The following ZBTB40 variants were observed in gnomAD, a reference collection of about 807,000 sequenced individuals.
ZBTB40 encodes the protein zinc finger and BTB domain-containing protein 40.
Under a neutral mutation model 117.5 loss-of-function variants are expected in ZBTB40, and 60 were observed. The observed-to-expected ratio is 0.51, with a 90% CI of 0.41 to 0.63. ZBTB40 has a LOEUF of 0.63. ZBTB40 is among the 30% of genes least tolerant of loss of function. The pLI, the probability that ZBTB40 is intolerant of heterozygous loss-of-function variation, is 0.00. For missense variants in ZBTB40, 1,287 were observed against 1,498.5 expected, an observed-to-expected ratio of 0.86 and a Z score of 2.33; for synonymous variants, 525 against 577.1, an observed-to-expected ratio of 0.91 and a Z score of 1.29.
intron 1 of ZBTB40, among the ~76,000 whole-genome samples, chr1:22,468,372 T>A (rs1361386565): frequency 6.6e-6 from 1 of 151,952 alleles, no homozygotes; most frequent in African/African-American, 2.4e-5. Context: ...CTTTAATTAT[T>A]CACCAGGCTG....
intron 3 of ZBTB40, among the ~76,000 whole-genome samples, chr1:22,496,872 C>T (rs1485331397): frequency 6.6e-6 from 1 of 152,182 alleles, no homozygotes; most frequent in East Asian, 1.9e-4. Context: ...CCACGATAGG[C>T]CGTCTGTACC....
chr1:22,475,958 C>T lies in ZBTB40; in HGVS notation c.-69-13922C>T, dbSNP rs566928166. Among the ~76,000 whole-genome samples the T allele has an allele frequency of 5.9e-5, 9 of 152,320 alleles. No individual in the cohort carries two copies. The South Asian group carries it at 1.9e-3, about 32-fold the overall frequency. The stretch of plus-strand genomic sequence containing the variant: ...ACAATAAATTGGAGAATATCAGGTC[C>T]AGTTCCCTGAGGCACAGAAGAGAGC... On this transcript the variant is annotated intron_variant, in intron 1 of 17. Transcript: ENST00000375647.
chr1:22,461,081 T>G (rs915195245), intron 1 of ZBTB40, among the ~76,000 whole-genome samples: 2 of 152,218 alleles, frequency 1.3e-5, no homozygotes. Flanking sequence ...AACCAATATA[T>G]TTAAATTAAA....
At chr1:22,500,626 C>G (rs1638902298) in intron 3 of ZBTB40, among the ~76,000 whole-genome samples, 1 of 152,172 alleles carries the variant, frequency 6.6e-6, no homozygotes. Flanking sequence ...AATTGTGATA[C>G]AGAGGCACTG....
At chr1:22,518,750 G>A (rs1467963842) in intron 13 of ZBTB40, among the ~76,000 whole-genome samples, 1 of 152,196 alleles carries the variant, frequency 6.6e-6, no homozygotes, top group Non-Finnish European at 1.5e-5. Context: ...CAGTTTACAA[G>A]GCTGTCCAAA....
chr1:22,522,522 C>T, intron 16 of ZBTB40, 59 bp downstream of exon 16: 2 of 1,533,642 alleles, frequency 1.3e-6, no homozygotes, highest in East Asian at 2.2e-5. Context: ...CTCCCCTCCA[C>T]CACTTGCAGC....
intron 13 of ZBTB40, chr1:22,519,699 T>A (rs1569885435): frequency 2.9e-6 from 1 of 347,204 alleles, no homozygotes; most frequent in East Asian, 7.5e-5. Context: ...CTACAGAGAA[T>A]TAGAAAACTC....
At chr1:22,437,144 A>G (rs1640680125) in intron 1 of ZBTB40, among the ~76,000 whole-genome samples, 1 of 152,210 alleles carries the variant, frequency 6.6e-6, no homozygotes, top group South Asian at 2.1e-4. Context: ...CAACCCTTAG[A>G]TTTGTAGAGA....
chr1:22,497,514 A>G (rs978120217), intron 3 of ZBTB40, among the ~76,000 whole-genome samples: 9 of 152,248 alleles, frequency 5.9e-5, no homozygotes, highest in Non-Finnish European at 1.3e-4. Context: ...GATTAAGCCT[A>G]AGATATGCAG....
chr1:22,489,889 TC>T lies in ZBTB40; in HGVS notation c.-57del. The T allele has an allele frequency of 6.4e-7, 1 of 1,561,746 alleles. No homozygotes were observed. The highest frequency in any genetic ancestry group is 1.7e-5 in the Admixed American group (1 of 59,964). ...TTGTGGGTTTCTCTAGGGCCTGTCC[TC>T]CCAAAGCCAACTCTAAGGAGAGGAG... On this transcript the variant is annotated 5_prime_UTR_variant, in exon 2 of 18. It introduces an in-frame stop codon into an upstream open reading frame of the 5' UTR. Coordinates refer to ENST00000375647, the MANE Select transcript of ZBTB40 (RefSeq NM_014870.4).
intron 5 of ZBTB40, among the ~76,000 whole-genome samples, chr1:22,505,241 G>A (rs1228429004): frequency 1.3e-5 from 2 of 152,152 alleles, no homozygotes; most frequent in Admixed American, 6.5e-5. Flanking sequence ...TGCTTTATCA[G>A]TTCCATAAGA....
At chr1:22,521,095 ACT>A (rs1257927835) in intron 14 of ZBTB40, among the ~76,000 whole-genome samples, 1 of 152,250 alleles carries the variant, frequency 6.6e-6, no homozygotes. Flanking sequence ...GATGCAGCTC[ACT>A]GGTAAAGCAC....
Position 22,521,594 on chromosome 1 carries a change from C to T in ZBTB40, c.3147C>T (p.Ser1049=). 1 of 1,614,210 alleles carries T rather than the reference C, an allele frequency of 6.2e-7. No homozygotes were observed. The highest frequency in any genetic ancestry group is 1.7e-5 in the Admixed American group (1 of 60,030). The change falls in exon 15 of 18, where the codon AGC becomes AGT. Residue 1049 remains serine, a synonymous_variant. Coordinates refer to ENST00000375647, the MANE Select transcript of ZBTB40 (RefSeq NM_014870.4). ...CCAAGTTCTCATCACTCCAGTGCAG[C>T]TCCTGTGACAAAACCTTCCCCAACA... is the stretch of plus-strand genomic sequence containing the variant. The part of the protein sequence containing the change: ...RSSKFSSLQC[S]SCDKTFPNTI...
At chr1:22,438,691 GT>G (rs554180243) in intron 1 of ZBTB40, among the ~76,000 whole-genome samples, 2 of 152,046 alleles carry the variant, frequency 1.3e-5, no homozygotes, top group Non-Finnish European at 2.9e-5. Context: ...CTAGTTTCTG[GT>G]TTTTTGTTTT....
intron 1 of ZBTB40, among the ~76,000 whole-genome samples, chr1:22,486,651 T>C (rs1638477144): frequency 6.6e-6 from 1 of 152,218 alleles, no homozygotes; most frequent in African/African-American, 2.4e-5. Context: ...CCTCCAGTGA[T>C]TCGATTGCAG....
chr1:22,526,216 A>G lies in ZBTB40; in HGVS notation c.3540A>G (p.Pro1180=). Residue 1180 remains proline (P), a synonymous_variant, in exon 18 of 18, where the codon CCA becomes CCG. Coordinates refer to ENST00000375647, the MANE Select transcript of ZBTB40 (RefSeq NM_014870.4). Reference sequence around the variant, plus strand: ...TTCTCTTTCAGGTGATCCAAACCCCAGAGCCGGTGGCCCCGACAGAGCAGG... The same window carrying G: ...TTCTCTTTCAGGTGATCCAAACCCCGGAGCCGGTGGCCCCGACAGAGCAGG... ...ASQMAQVIQT[P]EPVAPTEQVI... is the part of the protein sequence containing the mutation. 1 of 1,614,190 alleles carries G rather than the reference A, an allele frequency of 6.2e-7. No homozygotes were observed. Among genetic ancestry groups the G allele is most frequent in the South Asian group, 1.1e-5 (1 of 91,086 alleles).
intron 1 of ZBTB40, among the ~76,000 whole-genome samples, chr1:22,467,967 T>C: frequency 6.6e-6 from 1 of 151,738 alleles, no homozygotes; most frequent in East Asian, 1.9e-4. Context: ...CTCATGCCTG[T>C]AGTCCTAGCT....
chr1:22,460,134 C>G (rs1407884530), intron 1 of ZBTB40, among the ~76,000 whole-genome samples: 1 of 152,104 alleles, frequency 6.6e-6, no homozygotes, highest in African/African-American at 2.4e-5. Context: ...TCATCTCTTT[C>G]TCACTCTCAC....
chr1:22,511,288 G>A lies in ZBTB40; in HGVS notation c.1943G>A (p.Cys648Tyr), dbSNP rs1639224940. The change falls in exon 10 of 18, where the codon TGC (cysteine) becomes TAC (tyrosine). Residue 648 changes from cysteine (C) to tyrosine (Y), a missense_variant. Coordinates refer to ENST00000375647, the MANE Select transcript of ZBTB40 (RefSeq NM_014870.4). The part of the protein sequence containing the change: ...VPAIEICHLL[C>Y]SVHKSFPGLQ... ...GCCATTGAAATATGCCACCTCCTGT[G>A]CAGTGTCCACAAATCTTTTCCAGGC... 1 of 1,614,054 alleles carries A rather than the reference G, an allele frequency of 6.2e-7. No homozygotes were observed. The highest frequency in any genetic ancestry group is 8.5e-7 in the Non-Finnish European group (1 of 1,180,028).
Sources: allele counts gnomAD v4.1 joint callset (sites outside exome capture counted in the v4.1 genomes callset), GRCh38; gene constraint gnomAD v4.1.1; transcripts MANE v1.5; gene names NCBI Gene and HGNC (gene_info 2026-07-23, HGNC 2026-07-21).